HYAL4: variants seen among roughly 807,000 people sequenced by gnomAD.
HYAL4 encodes the protein hyaluronidase-4.
A neutral mutation model predicts 35.2 loss-of-function variants in HYAL4; 37 were observed. The ratio of observed to expected loss-of-function variants is 1.05; its 90% CI spans 0.81 to 1.38. The LOEUF is 1.38. HYAL4 is among the 40% of genes most tolerant of loss of function. The pLI, the probability that HYAL4 is intolerant of heterozygous loss-of-function variation, is 0.00. For synonymous variants in HYAL4, 198 were observed against 203.2 expected, an observed-to-expected ratio of 0.97 and a Z score of 0.22; for missense variants, 572 against 572.4, an observed-to-expected ratio of 1.00 and a Z score of 0.01.
At chr7:123,835,709 A>G (rs1201457591) in intron 1 of HYAL4, among the ~76,000 whole-genome samples, 2 of 152,096 alleles carry the variant, frequency 1.3e-5, no homozygotes, top group East Asian at 1.9e-4. Flanking sequence ...TGATATAGAC[A>G]TTTAGGGCTA....
At chr7:123,798,078 AT>A in the HYAL4 span, among the ~76,000 whole-genome samples, 1 of 152,114 alleles carries the variant, frequency 6.6e-6, no homozygotes, top group Non-Finnish European at 1.5e-5. Context: ...AAATTTTTAT[AT>A]TGTTTTAAGT....
In HYAL4 at chr7:123,870,183, C is replaced by T. The variant is rs573263729; in HGVS notation, c.954+956C>T. ...TCAACTCACCAATATCTGTTAAAGACGTTCTGAGTTCTAGGCATCCTAAGG... is the reference window on the plus strand; with the variant it reads ...TCAACTCACCAATATCTGTTAAAGATGTTCTGAGTTCTAGGCATCCTAAGG... On this transcript the variant is annotated intron_variant, in intron 3 of 4. Transcript: ENST00000223026. Among the ~76,000 whole-genome samples, 23 of 152,260 alleles carry T rather than the reference C, an allele frequency of 1.5e-4. No homozygotes were observed. In the East Asian group the frequency reaches 1.7e-3, roughly 12 times the overall value.
chr7:123,876,831 G>C lies in HYAL4; in HGVS notation c.1122G>C (p.Glu374Asp). Residue 374 changes from glutamate to aspartate, a missense_variant, in exon 5 of 5, where the codon GAG becomes GAC. By Grantham distance (45) the Glu-to-Asp change is conservative. Coordinates refer to ENST00000223026, the MANE Select transcript of HYAL4 (RefSeq NM_012269.3). ...TAGCCAATGTGACCAGAGCTGCTGA[G>C]GTATGCAGCCTTCACCTCTGCAGGA... ...SYIANVTRAA[E>D]VCSLHLCRNN... 1.9e-6 allele frequency: 3 copies of C among 1,614,136 alleles called. No homozygotes were observed. Among genetic ancestry groups the C allele is most frequent in the Non-Finnish European group, 2.5e-6 (3 of 1,180,004 alleles).
At chr7:123,830,054 A>G (rs1363242975) in intron 1 of HYAL4, among the ~76,000 whole-genome samples, 2 of 152,224 alleles carry the variant, frequency 1.3e-5, no homozygotes, top group African/African-American at 4.8e-5. Flanking sequence ...TAGCAAATGC[A>G]GAAGCAAATC....
chr7:123,847,967 G>A (rs1335473280), intron 1 of HYAL4, 122 bp from the exon 2 acceptor site: 1 of 152,546 alleles, frequency 6.6e-6, no homozygotes, highest in African/African-American at 2.4e-5. Context: ...CAATGGTCAT[G>A]TATACTAAGA....
Position 123,869,200 on chromosome 7 carries a change from A to T in HYAL4, c.927A>T (p.Arg309Ser). The T allele has an allele frequency of 6.2e-7, 1 of 1,603,476 alleles. No individual in the cohort carries two copies. The highest frequency in any genetic ancestry group is 8.5e-7 in the Non-Finnish European group (1 of 1,174,574). ...TTGTCTACACAAGGCTAGGGTACAG[A>T]GATGAACCTTTATTTTTCCTTTCTA... is the stretch of plus-strand genomic sequence containing the variant. ...PVFVYTRLGY[R>S]DEPLFFLSKQ... is the part of the protein sequence containing the mutation. Residue 309 changes from arginine to serine, a missense_variant, in exon 3 of 5, where the codon AGA (arginine) becomes AGT (serine). Coordinates refer to ENST00000223026, the MANE Select transcript of HYAL4 (RefSeq NM_012269.3).
At chr7:123,789,762 A>G in the HYAL4 span, among the ~76,000 whole-genome samples, 1 of 152,142 alleles carries the variant, frequency 6.6e-6, no homozygotes, top group East Asian at 1.9e-4. Flanking sequence ...GTATACATGA[A>G]TACATATATG....
intron 3 of HYAL4, 95 bp from the exon 4 acceptor site, chr7:123,874,666 A>C: frequency 1.4e-6 from 1 of 702,728 alleles, no homozygotes; most frequent in South Asian, 1.6e-5. Flanking sequence ...GGGCCTCCCA[A>C]AGTGCTGGGA....
chr7:123,838,005 A>G (rs1053977538), intron 1 of HYAL4, among the ~76,000 whole-genome samples: 10 of 152,176 alleles, frequency 6.6e-5, no homozygotes, highest in Non-Finnish European at 1.3e-4. Context: ...TTATAGCAGC[A>G]TGATTTATAA....
At chr7:123,875,408 G>A (rs1806985422) in intron 4 of HYAL4, among the ~76,000 whole-genome samples, 2 of 152,038 alleles carry the variant, frequency 1.3e-5, no homozygotes, top group Admixed American at 6.6e-5. Flanking sequence ...GCTCATGCCT[G>A]TAATTCCTGC....
chr7:123,810,860 T>A, the HYAL4 span, among the ~76,000 whole-genome samples: 6 of 152,230 alleles, frequency 3.9e-5, no homozygotes, highest in African/African-American at 1.4e-4. Flanking sequence ...ACCACTAAAT[T>A]TTTTTATTGT....
chr7:123,853,340 G>T (rs1230665950), intron 2 of HYAL4, among the ~76,000 whole-genome samples: 3 of 152,150 alleles, frequency 2.0e-5, no homozygotes, highest in South Asian at 2.1e-4. Flanking sequence ...TCCAGCTTTT[G>T]CCCATTCAGT....
chr7:123,799,885 A>G, the HYAL4 span, among the ~76,000 whole-genome samples: 1 of 151,598 alleles, frequency 6.6e-6, no homozygotes, highest in Non-Finnish European at 1.5e-5. Context: ...TCTTGCCTGG[A>G]CTTGGTAGCT....
chr7:123,820,750 C>T, the HYAL4 span, among the ~76,000 whole-genome samples: 39 of 152,242 alleles, frequency 2.6e-4, no homozygotes, highest in East Asian at 5.8e-3. Flanking sequence ...TAGCATATCT[C>T]GGACTTATTT....
the HYAL4 span, among the ~76,000 whole-genome samples, chr7:123,787,698 A>G: frequency 6.6e-6 from 1 of 152,178 alleles, no homozygotes; most frequent in African/African-American, 2.4e-5. Flanking sequence ...AGGAAGCATA[A>G]TCTTCCTTAA....
upstream of HYAL4, among the ~76,000 whole-genome samples, chr7:123,827,221 C>T (rs563468576): frequency 6.6e-6 from 1 of 151,950 alleles, no homozygotes; most frequent in Non-Finnish European, 1.5e-5. Context: ...GAAAGATGAA[C>T]AGGAGCCAGT....
At chr7:123,855,702 C>A (rs1806420720) in intron 2 of HYAL4, among the ~76,000 whole-genome samples, 2 of 152,164 alleles carry the variant, frequency 1.3e-5, no homozygotes, top group Admixed American at 6.5e-5. Flanking sequence ...CGAGGAGTAT[C>A]TTTGTGGTGG....
chr7:123,854,835 A>T (rs994132900), intron 2 of HYAL4, among the ~76,000 whole-genome samples: 2 of 152,148 alleles, frequency 1.3e-5, no homozygotes, highest in African/African-American at 4.8e-5. Context: ...AAAGTATCCC[A>T]CTATTATTGT....
the HYAL4 span, among the ~76,000 whole-genome samples, chr7:123,807,129 T>G: frequency 1.3e-5 from 2 of 152,214 alleles, no homozygotes; most frequent in African/African-American, 4.8e-5. Flanking sequence ...CATAGACTTT[T>G]TAGAGAATCA....
Sources: gnomAD v4.1 joint callset for allele counts (sites outside exome capture counted in the v4.1 genomes callset) on GRCh38, gnomAD v4.1.1 for gene constraint, MANE v1.5 for transcripts, NCBI Gene and HGNC (gene_info 2026-07-23, HGNC 2026-07-21) for gene names.